Variants in VRTN observed in about 807,000 individuals in gnomAD.
VRTN encodes vertnin.
In VRTN, 5 loss-of-function variants were observed where a neutral mutation model predicts 18.2. The ratio of observed to expected loss-of-function variants is 0.27; its 90% confidence interval spans 0.14 to 0.58. The LOEUF is 0.58. Ranked by LOEUF, VRTN falls within the 20% of genes least tolerant of loss-of-function variation. The pLI, the probability that VRTN is intolerant of heterozygous loss-of-function variation, is 0.91. For missense variants in VRTN, 741 were observed against 939.4 expected (o/e 0.79, Z 2.76); for synonymous variants, 381 against 393.7 (o/e 0.97, Z 0.38).
rs72542407 is a variant in VRTN at position 74,303,303 on chromosome 14, C to A, written c.-164+127C>A. ...CGGTGGGTTACTCCTGTAATCCCAG[C>A]ACTTTGGAAGGCCAAGGCGGGAGGA... On this transcript the variant is annotated intron_variant, in intron 1 of 2. Coordinates refer to the VRTN transcript ENST00000557177. 1,381 of 179,758 alleles carry A rather than the reference C, an allele frequency of 7.7e-3. 23 individuals are homozygous for A. Among genetic ancestry groups the A allele is most frequent in the African/African-American group, 0.03 (1,300 of 42,742 alleles). The allele number at this position is 179,758 out of a possible 1,614,324, so 11.1% of individuals were successfully genotyped here.
chr14:74,327,987 C>T (rs960952848), intron 1 of VRTN, among the ~76,000 whole-genome samples: 1 of 152,058 alleles, frequency 6.6e-6, no homozygotes, highest in Non-Finnish European at 1.5e-5. Flanking sequence ...TCCCAAAGTG[C>T]TGGGATTACA....
chr14:74,355,077 G>T (rs1046125159), intron 1 of VRTN, among the ~76,000 whole-genome samples: 2 of 150,568 alleles, frequency 1.3e-5, no homozygotes, highest in Non-Finnish European at 1.5e-5. Context: ...GGGAGGTAGA[G>T]GTTGCAGCCA....
upstream of VRTN, among the ~76,000 whole-genome samples, chr14:74,343,507 T>C (rs925168363): frequency 6.6e-6 from 1 of 152,234 alleles, no homozygotes; most frequent in Non-Finnish European, 1.5e-5. Flanking sequence ...GGTACGGCTA[T>C]ACTTGTACAT....
At chr14:74,344,181 G>A (rs1298490594), upstream of VRTN, among the ~76,000 whole-genome samples, 1 of 136,414 alleles carries the variant, frequency 7.3e-6, no homozygotes, top group Non-Finnish European at 1.5e-5. Context: ...GGCCAAAGGG[G>A]GAGGATCACT....
At chr14:74,347,164 A>G (rs1339395628), upstream of VRTN, among the ~76,000 whole-genome samples, 3 of 152,228 alleles carry the variant, frequency 2.0e-5, no homozygotes, top group East Asian at 3.8e-4. Flanking sequence ...AATTTATCCA[A>G]TGACTCTCTG....
chr14:74,334,973 C>A (rs550168094), intron 1 of VRTN, among the ~76,000 whole-genome samples: 2 of 152,146 alleles, frequency 1.3e-5, no homozygotes, highest in African/African-American at 4.8e-5. Flanking sequence ...GTAGGGGAGA[C>A]CTGCATTCAA....
At chr14:74,315,464 C>T (rs1312907146) in intron 1 of VRTN, among the ~76,000 whole-genome samples, 3 of 152,078 alleles carry the variant, frequency 2.0e-5, no homozygotes, top group Non-Finnish European at 2.9e-5. Flanking sequence ...TTTGGGATGC[C>T]GAGGCGGGAG....
intron 1 of VRTN, among the ~76,000 whole-genome samples, chr14:74,307,370 TC>T (rs2085360061): frequency 6.6e-6 from 1 of 152,036 alleles, no homozygotes; most frequent in Non-Finnish European, 1.5e-5. Context: ...CCTCAGTTGA[TC>T]CACGCGCCTC....
intron 2 of VRTN, among the ~76,000 whole-genome samples, chr14:74,341,443 C>T (rs2085605059): frequency 1.3e-5 from 2 of 152,186 alleles, no homozygotes; most frequent in South Asian, 4.1e-4. Context: ...CCACCACTTA[C>T]ACAACCCCTG....
chr14:74,357,312 T>C lies in VRTN; in HGVS notation c.529T>C (p.Tyr177His). ...PSSFSNVWHL[Y>H]ALASVLQRNI... Reference sequence around the variant, plus strand: ...CAGCTTCTCCAACGTGTGGCACTTGTATGCTCTCGCCTCTGTCCTCCAGCG... The same window carrying C: ...CAGCTTCTCCAACGTGTGGCACTTGCATGCTCTCGCCTCTGTCCTCCAGCG... The change falls in exon 2 of 2, where the codon TAT (tyrosine) becomes CAT (histidine). Residue 177 changes from tyrosine to histidine, a missense_variant. Tyr to His is a moderately conservative substitution (Grantham distance 83, BLOSUM62 2). Around this residue, in one of 3 missense-constraint regions of VRTN, gnomAD observed 186 missense variants for 288.3 expected, o/e 0.65. Transcript: ENST00000256362. This position sits in a 1 kb window ranked among gnomAD's most constrained non-coding sequence, Gnocchi z 7.8. The C allele has an allele frequency of 6.2e-7, 1 of 1,613,648 alleles. No individual in the cohort carries two copies. The highest frequency in any genetic ancestry group is 8.5e-7 in the Non-Finnish European group (1 of 1,179,598).
chr14:74,341,410 T>C (rs151180131), intron 2 of VRTN, among the ~76,000 whole-genome samples: 63 of 152,340 alleles, frequency 4.1e-4, no homozygotes, highest in Non-Finnish European at 8.5e-4. Context: ...TTGCTTTTAG[T>C]AGCTGATGCA....
chr14:74,332,906 G>A (rs2085538079), intron 1 of VRTN, among the ~76,000 whole-genome samples: 1 of 152,010 alleles, frequency 6.6e-6, no homozygotes, highest in African/African-American at 2.4e-5. Flanking sequence ...ACTTTCCTGG[G>A]TCTCAGCTCC....
In VRTN at chr14:74,304,555, G is replaced by A. The variant is rs116077944; in HGVS notation, c.-164+1379G>A. 5.7e-3 allele frequency among the ~76,000 whole-genome samples: 865 copies of A among 152,286 alleles called. 8 individuals carry two copies. Among genetic ancestry groups the A allele is most frequent in the African/African-American group, 0.02 (823 of 41,558 alleles). Reference sequence around the variant, plus strand: ...TTGGGGCCTGATCATTCTTTGCTGTGTAGGCTTTCCTATGCAATGTAGGAT... The same window carrying A: ...TTGGGGCCTGATCATTCTTTGCTGTATAGGCTTTCCTATGCAATGTAGGAT... On this transcript the variant is annotated intron_variant, in intron 1 of 2. Coordinates refer to the VRTN transcript ENST00000557177.
rs2085765333 is a variant in VRTN at position 74,359,535 on chromosome 14, A to C, written c.*643A>C. 1 of 166,994 alleles carries C rather than the reference A, an allele frequency of 6.0e-6. No homozygotes were observed. Among genetic ancestry groups the C allele is most frequent in the Non-Finnish European group, 1.5e-5 (1 of 68,136 alleles). The allele number at this position is 166,994 out of a possible 1,614,324, so 10.3% of individuals were successfully genotyped here. ...TCATCTCTTAGAAAAAAAAAAAGAA[A>C]GAAAATCAAATGTAGAGCTGATCAG... On this transcript the variant is annotated 3_prime_UTR_variant, in exon 2 of 2. Coordinates refer to ENST00000256362, the MANE Select transcript of VRTN (RefSeq NM_018228.3).
intron 1 of VRTN, among the ~76,000 whole-genome samples, chr14:74,324,610 G>A (rs540782549): frequency 8.9e-4 from 136 of 152,080 alleles, no homozygotes; most frequent in African/African-American, 2.8e-3. Context: ...CATTCAGGCC[G>A]GGTGTGGTGG....
In VRTN at chr14:74,339,262, T is replaced by TCA. The variant is rs1266603495; in HGVS notation, c.-2+1380_-2+1381dup. ...TTTCATTGGCCCTGTAAAGTAGATA[T>TCA]CACTCGCCCCATTTCACAGATGAGG... is the stretch of plus-strand genomic sequence containing the variant. On this transcript the variant is annotated intron_variant, in intron 2 of 2. Coordinates refer to the VRTN transcript ENST00000557177. Among the ~76,000 whole-genome samples, 4 of 152,208 alleles carry TCA rather than the reference T, an allele frequency of 2.6e-5. No individual in the cohort carries two copies. In the East Asian group the frequency reaches 7.8e-4, roughly 30 times the overall value.
At chr14:74,315,236 C>A (rs750287391) in intron 1 of VRTN, among the ~76,000 whole-genome samples, 2 of 151,976 alleles carry the variant, frequency 1.3e-5, no homozygotes, top group Non-Finnish European at 2.9e-5. Flanking sequence ...GAAATTGAGA[C>A]GGAGTCTCAC....
chr14:74,304,499 C>A (rs944539756), intron 1 of VRTN, among the ~76,000 whole-genome samples: 19 of 152,188 alleles, frequency 1.2e-4, no homozygotes, highest in African/African-American at 4.3e-4. Context: ...TACCATACAG[C>A]AGGGGTTCTC....
At chr14:74,324,866 G>A (rs2085479120) in intron 1 of VRTN, among the ~76,000 whole-genome samples, 2 of 152,040 alleles carry the variant, frequency 1.3e-5, no homozygotes, top group African/African-American at 4.8e-5. Context: ...CAGCCTGGGA[G>A]ACAGAGTGAG....
Sources: allele counts gnomAD v4.1 joint callset (sites outside exome capture counted in the v4.1 genomes callset), GRCh38; gene constraint gnomAD v4.1.1; regional missense constraint gnomAD v4.1.1; non-coding constraint Gnocchi (gnomAD v3.1); transcripts MANE v1.5; gene names NCBI Gene and HGNC (gene_info 2026-07-23, HGNC 2026-07-21).